The following DNAH12 variants were observed in gnomAD, a reference collection of about 807,000 sequenced individuals.
The protein encoded by DNAH12 is dynein axonemal heavy chain 12, also known as axonemal beta dynein heavy chain 12.
In DNAH12, 285 loss-of-function variants were observed where a neutral mutation model predicts 371.5. The ratio of observed to expected loss-of-function variants is 0.77; its 90% CI spans 0.70 to 0.85. The LOEUF is 0.85. DNAH12 is among the 40% of genes least tolerant of loss of function. The pLI is 0.00. For synonymous variants in DNAH12, 1,200 were observed against 1,213.0 expected (o/e 0.99, Z 0.22); for missense variants, 3,611 against 3,689.4 (o/e 0.98, Z 0.55).
intron 19 of DNAH12, 81 bp downstream of exon 19, chr3:57,461,405 GCTA>G: frequency 7.7e-7 from 1 of 1,293,932 alleles, no homozygotes; most frequent in South Asian, 1.4e-5. Context: ...CATCCAATAA[GCTA>G]CTTATTACCA....
At chr3:57,448,047 CTTCCTTTTCAATTTTAAGAAAATG>C (rs2065582040) in intron 25 of DNAH12, among the ~76,000 whole-genome samples, 1 of 152,156 alleles carries the variant, frequency 6.6e-6, no homozygotes, top group African/African-American at 2.4e-5. Flanking sequence ...ACCTCGGGCT[CTTCCTTTTCAATTTTAAGAAAATG>C]TTCACAAACA....
chr3:57,501,910 C>CTT (rs11333440), intron 10 of DNAH12, among the ~76,000 whole-genome samples: 10 of 143,716 alleles, frequency 7.0e-5, no homozygotes, highest in African/African-American at 1.8e-4. Context: ...GGGTTTGATT[C>CTT]TTTTTTTTTT....
Position 57,543,423 on chromosome 3 carries a change from A to G in DNAH12, c.-33-520T>C, listed in dbSNP as rs571059667. On this transcript the variant is annotated intron_variant, in intron 1 of 73. Transcript: ENST00000495027. ...CTGCAACCTCCGCCTCCCAGGTTCAAGTGGTTCTCCTGCTTCAGCCTCCCG... is the reference window on the plus strand; with the variant it reads ...CTGCAACCTCCGCCTCCCAGGTTCAGGTGGTTCTCCTGCTTCAGCCTCCCG... 2.5e-4 allele frequency among the ~76,000 whole-genome samples: 35 copies of G among 138,974 alleles called. No homozygotes were observed. The East Asian group carries it at 7.3e-3, about 29-fold the overall frequency. 91.2% of individuals were successfully genotyped at this position (138,974 alleles called of 152,430 possible).
At chr3:57,420,908 CAAAAAAA>C (rs369971376) in intron 36 of DNAH12, among the ~76,000 whole-genome samples, 16 of 78,006 alleles carry the variant, frequency 2.1e-4, no homozygotes, top group Admixed American at 3.2e-4. Context: ...GACTCCGTCT[CAAAAAAA>C]AAAAAAAAAA....
At chr3:57,450,035 G>A (rs1169398207) in intron 25 of DNAH12, among the ~76,000 whole-genome samples, 1 of 152,180 alleles carries the variant, frequency 6.6e-6, no homozygotes, top group Non-Finnish European at 1.5e-5. Flanking sequence ...ATCACTTGAG[G>A]TCAGGAGTTC....
chr3:57,414,352 C>T (rs2064299811), intron 38 of DNAH12, among the ~76,000 whole-genome samples: 1 of 152,156 alleles, frequency 6.6e-6, no homozygotes, highest in Non-Finnish European at 1.5e-5. Flanking sequence ...CACTGGATAA[C>T]CAACATATTT....
intron 69 of DNAH12, among the ~76,000 whole-genome samples, chr3:57,307,966 G>T (rs549063790): frequency 4.6e-5 from 7 of 152,038 alleles, no homozygotes; most frequent in African/African-American, 1.7e-4. Context: ...CCTTTCCATC[G>T]TGGAACTCTA....
chr3:57,323,363 CTG>C (rs769609201), intron 63 of DNAH12, 103 bp from the exon 64 acceptor site: 156 of 1,470,914 alleles, frequency 1.1e-4, no homozygotes, highest in Non-Finnish European at 1.3e-4. Flanking sequence ...TTACGTTTCT[CTG>C]TAAATATCAG....
intron 57 of DNAH12, among the ~76,000 whole-genome samples, chr3:57,366,365 T>C (rs964491163): frequency 6.6e-6 from 1 of 152,166 alleles, no homozygotes; most frequent in Non-Finnish European, 1.5e-5. Context: ...GGCTGCTCTA[T>C]GGAGCAGCCA....
intron 2 of DNAH12, among the ~76,000 whole-genome samples, chr3:57,541,343 C>CT (rs886606162): frequency 6.6e-6 from 1 of 152,022 alleles, no homozygotes; most frequent in African/African-American, 2.4e-5. Context: ...CCCGGCCTCT[C>CT]TTTTTCTTTT....
At chr3:57,326,615 G>C (rs919430872) in intron 62 of DNAH12, among the ~76,000 whole-genome samples, 3 of 152,208 alleles carry the variant, frequency 2.0e-5, no homozygotes, top group Admixed American at 2.0e-4. Context: ...ATGCCAAAAT[G>C]TAAAGACCAT....
At chr3:57,516,662 A>G (rs1342212995) in intron 4 of DNAH12, among the ~76,000 whole-genome samples, 1 of 151,978 alleles carries the variant, frequency 6.6e-6, no homozygotes, top group Non-Finnish European at 1.5e-5. Flanking sequence ...TATTGCTATC[A>G]CTCTAGTCTA....
chr3:57,488,340 C>G (rs1343781326), intron 12 of DNAH12, among the ~76,000 whole-genome samples: 1 of 152,016 alleles, frequency 6.6e-6, no homozygotes. Flanking sequence ...TTACAGGCAC[C>G]TGCCACCACA....
Position 57,435,373 on chromosome 3 carries a change from C to CAAAAAAA in DNAH12, c.4656-1552_4656-1546dup, listed in dbSNP as rs34515598. Among the ~76,000 whole-genome samples, 169 of 94,666 alleles carry CAAAAAAA rather than the reference C, an allele frequency of 1.8e-3. 2 individuals are homozygous for CAAAAAAA. The highest frequency in any genetic ancestry group is 2.1e-3 in the African/African-American group (53 of 25,176). 62.1% of individuals were successfully genotyped at this position (94,666 alleles called of 152,430 possible). A position where few individuals can be genotyped will look rare whatever the true frequency, so the allele number is the denominator to read the frequency against. On this transcript the variant is annotated intron_variant, in intron 30 of 73. Coordinates refer to ENST00000495027, the MANE Select transcript of DNAH12 (RefSeq NM_001366028.2). ...GGTGATAGACCAAGACTCTGTCTCC[C>CAAAAAAA]AAAAAAAAAAAAAAAAAAAGAATAT...
chr3:57,520,102 C>T, intron 4 of DNAH12: 1 of 258,556 alleles, frequency 3.9e-6, no homozygotes, highest in Non-Finnish European at 7.4e-6. Flanking sequence ...TATCTTTCTT[C>T]TACCTATTTT....
At chr3:57,324,803 G>A (rs970189967) in intron 62 of DNAH12, among the ~76,000 whole-genome samples, 3 of 152,246 alleles carry the variant, frequency 2.0e-5, no homozygotes, top group Non-Finnish European at 4.4e-5. Context: ...GGGTCAGGGA[G>A]TTCCCTTTCC....
chr3:57,438,932 A>AAAAAAAAAAAAAAAAT (rs2065219497), intron 29 of DNAH12, among the ~76,000 whole-genome samples: 2 of 144,538 alleles, frequency 1.4e-5, no homozygotes, highest in Non-Finnish European at 1.5e-5. Flanking sequence ...AAAAAAAAAA[A>AAAAAAAAAAAAAAAAT]GGAAAGCAAC....
intron 45 of DNAH12, among the ~76,000 whole-genome samples, chr3:57,390,495 G>A (rs1219596278): frequency 9.5e-6 from 1 of 105,520 alleles, no homozygotes; most frequent in Non-Finnish European, 2.1e-5. Flanking sequence ...ACAGCTACAT[G>A]GAGGGTGATT....
chr3:57,477,933 T>A (rs1352723982), intron 13 of DNAH12, among the ~76,000 whole-genome samples: 1 of 152,054 alleles, frequency 6.6e-6, no homozygotes, highest in Non-Finnish European at 1.5e-5. Context: ...TACGTCACCA[T>A]CATCAAAGAC....
Sources: allele counts gnomAD v4.1 joint callset (sites outside exome capture counted in the v4.1 genomes callset), GRCh38; gene constraint gnomAD v4.1.1; transcripts MANE v1.5; gene names NCBI Gene and HGNC (gene_info 2026-07-23, HGNC 2026-07-21).